KIAA1671: variants seen among roughly 807,000 people sequenced by gnomAD.
KIAA1671 encodes the protein uncharacterized protein KIAA1671.
Under a neutral mutation model 131.2 loss-of-function variants are expected in KIAA1671, and 52 were observed. The observed-to-expected ratio is 0.40, with a 90% CI of 0.32 to 0.50. The LOEUF (loss-of-function observed/expected upper bound fraction) is 0.50. Among genes scored for constraint, KIAA1671 ranks in the 20% least tolerant of loss-of-function variants. The probability of loss-of-function intolerance (pLI) is 0.73; values close to 1 mark genes in which losing one functional copy is unlikely to be tolerated. For synonymous variants in KIAA1671, 1,003 were observed against 961.6 expected (o/e 1.04, Z -0.80); for missense variants, 2,360 against 2,364.2 (o/e 1.00, Z 0.04).
Position 25,041,422 on chromosome 22 carries a change from G to T in KIAA1671, c.4292G>T (p.Arg1431Met). The change falls in exon 5 of 13, where the codon AGG becomes ATG. Residue 1431 changes from arginine (R) to methionine (M), a missense_variant. Arg to Met is a moderately conservative substitution (Grantham distance 91, BLOSUM62 -1). Coordinates refer to ENST00000358431, the MANE Select transcript of KIAA1671 (RefSeq NM_001145206.2). ...GLSIMHEARE[R>M]RREQPKGRPS... ...TCCATCATGCATGAAGCCAGAGAGAGGAGGCGAGAGCAGCCCAAAGGGAGG... is the reference window on the plus strand; with the variant it reads ...TCCATCATGCATGAAGCCAGAGAGATGAGGCGAGAGCAGCCCAAAGGGAGG... The T allele has an allele frequency of 1.3e-6, 2 of 1,551,818 alleles. No individual in the cohort carries two copies. The highest frequency in any genetic ancestry group is 1.2e-5 in the South Asian group (1 of 84,066).
In KIAA1671 at chr22:25,040,486, C is replaced by G; in HGVS notation, c.3356C>G (p.Pro1119Arg). Residue 1119 changes from proline (P) to arginine (R), a missense_variant, in exon 5 of 13, where the codon CCT (proline) becomes CGT (arginine). By Grantham distance (103) the Pro-to-Arg change is moderately radical. This residue lies in a region of KIAA1671 where 1,161 missense variants were observed against 1,204.7 expected (regional missense o/e 0.96). Transcript: ENST00000358431. Reference protein sequence around the residue: ...PSSLGAWSLDPFNGRIIDVDA... With the variant: ...PSSLGAWSLDRFNGRIIDVDA... ...TCTCTTGGGGCCTGGAGTCTGGACC[C>G]TTTCAATGGAAGAATCATTGATGTG... is the stretch of plus-strand genomic sequence containing the variant. 3.2e-6 allele frequency: 5 copies of G among 1,551,980 alleles called. No homozygotes were observed. Among genetic ancestry groups the G allele is most frequent in the Non-Finnish European group, 4.4e-6 (5 of 1,147,048 alleles).
At chr22:25,117,015 G>C (rs958669133) in intron 6 of KIAA1671, among the ~76,000 whole-genome samples, 1 of 152,208 alleles carries the variant, frequency 6.6e-6, no homozygotes, top group Non-Finnish European at 1.5e-5. Flanking sequence ...AAGGGGTAGA[G>C]TCTGTGCATT....
intron 6 of KIAA1671, chr22:25,049,972 G>T (rs1016641902): frequency 6.6e-6 from 1 of 152,424 alleles, no homozygotes; most frequent in East Asian, 1.9e-4. Context: ...GTAGAATGGG[G>T]ATAATAATAG....
intron 1 of KIAA1671, among the ~76,000 whole-genome samples, chr22:24,953,429 G>C (rs750428242): frequency 6.6e-6 from 1 of 152,064 alleles, no homozygotes; most frequent in South Asian, 2.1e-4. Flanking sequence ...GGGCGTGAGA[G>C]GGGCGGCGCG....
At chr22:25,005,262 C>T (rs1412406044) in intron 1 of KIAA1671, among the ~76,000 whole-genome samples, 14 of 148,320 alleles carry the variant, frequency 9.4e-5, no homozygotes, top group Admixed American at 8.2e-4. Flanking sequence ...GCAGCAGAAT[C>T]GCTTGAACCC....
intron 3 of KIAA1671, among the ~76,000 whole-genome samples, chr22:25,032,066 C>T (rs1313911453): frequency 1.3e-5 from 2 of 152,176 alleles, no homozygotes; most frequent in Non-Finnish European, 2.9e-5. Flanking sequence ...AAAGAGGGCC[C>T]TGGTGATCCA....
intron 6 of KIAA1671, among the ~76,000 whole-genome samples, chr22:25,168,457 G>A (rs1436265216): frequency 6.6e-6 from 1 of 152,244 alleles, no homozygotes; most frequent in African/African-American, 2.4e-5. Flanking sequence ...GCGGGAGGCC[G>A]AGGTGGGCGG....
chr22:24,973,396 T>TG (rs1159809246), intron 1 of KIAA1671, among the ~76,000 whole-genome samples: 2 of 57,550 alleles, frequency 3.5e-5, no homozygotes, highest in Non-Finnish European at 6.5e-5. Flanking sequence ...ATGGTTTTTT[T>TG]TTTTTTTTTT....
chr22:25,048,006 G>T (rs2145818242), intron 5 of KIAA1671, among the ~76,000 whole-genome samples: 1 of 152,292 alleles, frequency 6.6e-6, no homozygotes, highest in East Asian at 1.9e-4. Context: ...TAGTATGTCA[G>T]ATTTGCAGCA....
At position 25,183,093 on chromosome 22, in the gene KIAA1671, C is replaced by T. The variant is rs141686027; in HGVS notation, c.5199+1270C>T. ...GCCCCCCTGTTTCAGACATCATGTG[C>T]TTGCAAACTCACTTTATGCTCCAGC... On this transcript the variant is annotated intron_variant, in intron 10 of 12. Coordinates refer to ENST00000358431, the MANE Select transcript of KIAA1671 (RefSeq NM_001145206.2). Among the ~76,000 whole-genome samples, 630 of 152,310 alleles carry T rather than the reference C, an allele frequency of 4.1e-3. 6 individuals carry two copies. The highest frequency in any genetic ancestry group is 0.014 in the African/African-American group (595 of 41,556).
At position 25,041,427 on chromosome 22, in the gene KIAA1671, C is replaced by G; in HGVS notation, c.4297C>G (p.Arg1433Gly). ...SIMHEARERR[R>G]EQPKGRPSLT... Reference sequence around the variant, plus strand: ...CATGCATGAAGCCAGAGAGAGGAGGCGAGAGCAGCCCAAAGGGAGGCCCAG... The same window carrying G: ...CATGCATGAAGCCAGAGAGAGGAGGGGAGAGCAGCCCAAAGGGAGGCCCAG... Residue 1433 changes from arginine (R) to glycine (G), a missense_variant, in exon 5 of 13, where the codon CGA becomes GGA. Arg to Gly is a moderately radical substitution (Grantham distance 125, BLOSUM62 -2). Around this residue, in one of 3 missense-constraint regions of KIAA1671, gnomAD observed 1,161 missense variants for 1,204.7 expected, o/e 0.96. Transcript: ENST00000358431. 1 of 1,551,708 alleles carries G rather than the reference C, an allele frequency of 6.4e-7. No individual in the cohort carries two copies. Among genetic ancestry groups the G allele is most frequent in the Non-Finnish European group, 8.7e-7 (1 of 1,147,016 alleles).
intron 11 of KIAA1671, chr22:25,185,946 G>A (rs544026215): frequency 1.3e-5 from 2 of 152,348 alleles, no homozygotes; most frequent in East Asian, 3.9e-4. Flanking sequence ...ATCCATGAAA[G>A]TTAGGGATTG....
At chr22:25,168,850 G>A (rs1601377467) in intron 6 of KIAA1671, among the ~76,000 whole-genome samples, 1 of 152,258 alleles carries the variant, frequency 6.6e-6, no homozygotes, top group South Asian at 2.1e-4. Context: ...GCCAAAGAGT[G>A]TGGGATAGAG....
At chr22:25,148,217 C>T (rs551628174) in intron 6 of KIAA1671, among the ~76,000 whole-genome samples, 1 of 151,382 alleles carries the variant, frequency 6.6e-6, no homozygotes, top group African/African-American at 2.4e-5. Flanking sequence ...CCCTCAGTCC[C>T]AGCCCTTTCT....
intron 1 of KIAA1671, among the ~76,000 whole-genome samples, chr22:24,955,255 T>A (rs1921632658): frequency 6.6e-6 from 1 of 152,250 alleles, no homozygotes; most frequent in African/African-American, 2.4e-5. Flanking sequence ...CTTCAACAAA[T>A]ATTTCAAGAC....
At chr22:25,019,033 C>A (rs1458206358) in intron 1 of KIAA1671, among the ~76,000 whole-genome samples, 1 of 147,902 alleles carries the variant, frequency 6.8e-6, no homozygotes, top group Admixed American at 6.8e-5. Context: ...GTCTTCACAT[C>A]CTCTCCAATA....
intron 1 of KIAA1671, among the ~76,000 whole-genome samples, chr22:25,000,085 G>A (rs1241818262): frequency 1.3e-5 from 2 of 149,854 alleles, no homozygotes; most frequent in South Asian, 2.1e-4. Flanking sequence ...GGGTTTCACC[G>A]TGTTAGCCAG....
chr22:24,982,922 T>G (rs529520087), intron 1 of KIAA1671, among the ~76,000 whole-genome samples: 3 of 152,354 alleles, frequency 2.0e-5, no homozygotes, highest in African/African-American at 7.2e-5. Context: ...TGCTTCAACC[T>G]GCTGTGTGAC....
At position 25,087,915 on chromosome 22, in the gene KIAA1671, G is replaced by T. The variant is rs73397901; in HGVS notation, c.4530+38551G>T. 1.9e-3 allele frequency among the ~76,000 whole-genome samples: 285 copies of T among 152,286 alleles called. 2 individuals carry two copies. The highest frequency in any genetic ancestry group is 6.7e-3 in the African/African-American group (279 of 41,560). On this transcript the variant is annotated intron_variant, in intron 6 of 12. Transcript: ENST00000358431. ...CGCCCCAGCCAATAAAGGAGATCTG[G>T]CAGGGAACCAACAGCATCTACCACC...
Sources: gnomAD v4.1 joint callset for allele counts (sites outside exome capture counted in the v4.1 genomes callset) on GRCh38, gnomAD v4.1.1 for gene constraint, gnomAD v4.1.1 regional missense constraint, MANE v1.5 for transcripts, NCBI Gene and HGNC (gene_info 2026-07-23, HGNC 2026-07-21) for gene names.